ADGRB1: variants seen among roughly 807,000 people sequenced by gnomAD.
ADGRB1 encodes adhesion G protein-coupled receptor B1.
Under a neutral mutation model 175.7 loss-of-function variants are expected in ADGRB1, and 36 were observed. That is an observed-to-expected ratio of 0.20 (90% CI 0.16 to 0.27). The LOEUF is 0.27. Among genes scored for constraint, ADGRB1 ranks in the 10% least tolerant of loss-of-function variants. ADGRB1 has a pLI of 1.00. For synonymous variants in ADGRB1, 1,054 were observed against 979.4 expected (o/e 1.08, Z -1.42); for missense variants, 1,731 against 2,255.3 (o/e 0.77, Z 4.71).
intron 1 of ADGRB1, among the ~76,000 whole-genome samples, chr8:142,460,333 C>G (rs1470901299): frequency 1.3e-5 from 2 of 152,234 alleles, no homozygotes; most frequent in Non-Finnish European, 2.9e-5. Context: ...AGACAACGGC[C>G]TGGGCTCCTG....
intron 13 of ADGRB1, among the ~76,000 whole-genome samples, chr8:142,485,082 C>T (rs1329451599): frequency 6.6e-6 from 1 of 152,218 alleles, no homozygotes; most frequent in Non-Finnish European, 1.5e-5. Flanking sequence ...GCTTTAGAGG[C>T]AGGGGCTGTG....
intron 1 of ADGRB1, among the ~76,000 whole-genome samples, chr8:142,460,730 C>T (rs769131500): frequency 2.6e-5 from 4 of 152,144 alleles, no homozygotes; most frequent in Non-Finnish European, 5.9e-5. Flanking sequence ...GAAGGTACCT[C>T]CTCCCTCCTC....
At chr8:142,469,481 GTGTGTATGCACGTGCATGTGTGAA>G (rs1840497229) in intron 2 of ADGRB1, among the ~76,000 whole-genome samples, 1 of 148,164 alleles carries the variant, frequency 6.7e-6, no homozygotes, top group African/African-American at 2.5e-5. Flanking sequence ...GCATGTGTGA[GTGTGTATGCACGTGCATGTGTGAA>G]TGTGTGTGTA....
rs1409399981 is a variant in ADGRB1, at chr8:142,510,918, C to G, written c.2676-14C>G. The G allele has an allele frequency of 3.2e-6, 3 of 933,472 alleles. No homozygotes were observed. Among genetic ancestry groups the G allele is most frequent in the Non-Finnish European group, 2.6e-6 (2 of 755,902 alleles). The allele number at this position is 933,472 out of a possible 1,614,324, so 57.8% of individuals were successfully genotyped here. On this transcript the variant is annotated splice_polypyrimidine_tract_variant and intron_variant, in intron 17 of 30. Coordinates refer to ENST00000517894, the MANE Select transcript of ADGRB1 (RefSeq NM_001702.3). The surrounding 1 kb of genome is among the most constrained non-coding windows in gnomAD (Gnocchi z 6.3). ...GCTCCGCCTGTCTCCCTCCCGTGTC[C>G]CGCCCGCCCCCAGACCCTCCTCCTC...
chr8:142,544,087 C>G, intron 30 of ADGRB1, 133 bp from the exon 31 acceptor site: 1 of 927,772 alleles, frequency 1.1e-6, no homozygotes, highest in Non-Finnish European at 1.6e-6. Context: ...AAGCCTCATC[C>G]TGTCCCCTGT....
Position 142,541,923 on chromosome 8 carries a change from C to T in ADGRB1, c.3707-18C>T. ...ACCCCCACACCTGTCCCCGCTGTCT[C>T]CCCCGCGGCCCCTGCAGTGCTGAAC... On this transcript the variant is annotated intron_variant, in intron 27 of 30. Transcript: ENST00000517894. 5 of 1,530,220 alleles carry T rather than the reference C, an allele frequency of 3.3e-6. No individual in the cohort carries two copies. Among genetic ancestry groups the T allele is most frequent in the Non-Finnish European group, 4.4e-6 (5 of 1,140,652 alleles). The allele number at this position is 1,530,220 out of a possible 1,614,324, so 94.8% of individuals were successfully genotyped here.
At chr8:142,534,973 G>A (rs542422756) in intron 25 of ADGRB1, among the ~76,000 whole-genome samples, 13 of 152,298 alleles carry the variant, frequency 8.5e-5, no homozygotes, top group Admixed American at 2.6e-4. Flanking sequence ...GAGGCCAGGC[G>A]GTTCTTCTTT....
rs1394022512 is a variant in ADGRB1, at chr8:142,504,856, C to T, written c.2676-6076C>T. 8.5e-5 allele frequency among the ~76,000 whole-genome samples: 13 copies of T among 152,062 alleles called. No individual in the cohort carries two copies. Among genetic ancestry groups the T allele is most frequent in the African/African-American group, 2.4e-4 (10 of 41,406 alleles). ...GACACCATTTCCACTCCCTGCCTAG[C>T]GCCTGAACTCCCCCACTGCGGTGTG... On this transcript the variant is annotated intron_variant, in intron 17 of 30. Coordinates refer to ENST00000517894, the MANE Select transcript of ADGRB1 (RefSeq NM_001702.3). The surrounding 1 kb of genome is among the most constrained non-coding windows in gnomAD (Gnocchi z 5.6).
chr8:142,456,990 G>A (rs556210680), intron 1 of ADGRB1, among the ~76,000 whole-genome samples: 1 of 152,320 alleles, frequency 6.6e-6, no homozygotes, highest in African/African-American at 2.4e-5. Context: ...CCGGCCCCGG[G>A]GTGTGCCTGG....
Position 142,510,916 on chromosome 8 carries a change from T to G in ADGRB1, c.2676-16T>G. On this transcript the variant is annotated splice_polypyrimidine_tract_variant and intron_variant, in intron 17 of 30. Transcript: ENST00000517894. This position sits in a 1 kb window ranked among gnomAD's most constrained non-coding sequence, Gnocchi z 6.3. ...ACGCTCCGCCTGTCTCCCTCCCGTG[T>G]CCCGCCCGCCCCCAGACCCTCCTCC... 3.8e-5 allele frequency: 37 copies of G among 969,254 alleles called. No individual in the cohort carries two copies. Among genetic ancestry groups the G allele is most frequent in the Non-Finnish European group, 4.6e-5 (36 of 788,870 alleles). The allele number at this position is 969,254 out of a possible 1,614,324, so 60.0% of individuals were successfully genotyped here.
Position 142,542,068 on chromosome 8 carries a change from C to T in ADGRB1, c.3834C>T (p.Ser1278=). The change falls in exon 28 of 31, where the codon AGC becomes AGT. Residue 1278 remains serine (S), a synonymous_variant. Transcript: ENST00000517894. The surrounding 1 kb of genome is among the most constrained non-coding windows in gnomAD (Gnocchi z 6.3). ...HAKGPPTNFN[S]LPANVSKLHL... ...AGGGGCCGCCCACCAATTTCAACAG[C>T]CTGCCGGCCAACGTGTCCAAGCTGC... The T allele has an allele frequency of 1.2e-6, 2 of 1,613,044 alleles. No individual in the cohort carries two copies. Among genetic ancestry groups the T allele is most frequent in the South Asian group, 1.1e-5 (1 of 91,086 alleles).
At position 142,543,592 on chromosome 8, in the gene ADGRB1, C is replaced by G. The variant is rs775628396; in HGVS notation, c.4450-9C>G. On this transcript the variant is annotated splice_polypyrimidine_tract_variant and intron_variant, in intron 29 of 30. Coordinates refer to ENST00000517894, the MANE Select transcript of ADGRB1 (RefSeq NM_001702.3). The surrounding 1 kb of genome is among the most constrained non-coding windows in gnomAD (Gnocchi z 4.4). Reference sequence around the variant, plus strand: ...GGCCCAGGACTCACTGCCCAGACCCCGCCTGCAGAAGATCATGCACACCCG... The same window carrying G: ...GGCCCAGGACTCACTGCCCAGACCCGGCCTGCAGAAGATCATGCACACCCG... 1 of 1,569,660 alleles carries G rather than the reference C, an allele frequency of 6.4e-7. No individual in the cohort carries two copies. The highest frequency in any genetic ancestry group is 8.6e-7 in the Non-Finnish European group (1 of 1,157,370).
At chr8:142,484,329 C>T (rs1841546057) in intron 12 of ADGRB1, among the ~76,000 whole-genome samples, 1 of 152,244 alleles carries the variant, frequency 6.6e-6, no homozygotes, top group South Asian at 2.1e-4. Context: ...ATAGAGCCCT[C>T]CTCATGTTGG....
intron 1 of ADGRB1, among the ~76,000 whole-genome samples, chr8:142,456,333 ACACCTGCACACACG>A: frequency 6.6e-6 from 1 of 152,222 alleles, no homozygotes; most frequent in African/African-American, 2.4e-5. Flanking sequence ...TTGCTCACAT[ACACCTGCACACACG>A]CATGTGCACA....
intron 18 of ADGRB1, among the ~76,000 whole-genome samples, chr8:142,512,553 CA>C (rs1385227831): frequency 2.0e-5 from 3 of 152,186 alleles, no homozygotes; most frequent in African/African-American, 7.2e-5. Context: ...AGCCCGGTGT[CA>C]GGCCTGCAGC....
chr8:142,494,812 A>G (rs1016047967), intron 17 of ADGRB1, among the ~76,000 whole-genome samples: 1 of 151,760 alleles, frequency 6.6e-6, no homozygotes, highest in Non-Finnish European at 1.5e-5. Context: ...ACACCCCTGC[A>G]CCAGCCTGGC....
intron 13 of ADGRB1, among the ~76,000 whole-genome samples, chr8:142,487,365 C>T (rs897846040): frequency 2.0e-5 from 3 of 152,190 alleles, no homozygotes; most frequent in South Asian, 2.1e-4. Context: ...TCCTCACCCC[C>T]GGTTCTCTGA....
intron 23 of ADGRB1, among the ~76,000 whole-genome samples, chr8:142,524,840 G>A (rs919824136): frequency 1.2e-4 from 18 of 152,072 alleles, no homozygotes; most frequent in Non-Finnish European, 2.4e-4. Context: ...TGGCACGCAG[G>A]GTCACCGTCC....
intron 2 of ADGRB1, among the ~76,000 whole-genome samples, chr8:142,467,742 T>C (rs1396015975): frequency 1.3e-5 from 2 of 152,234 alleles, no homozygotes; most frequent in African/African-American, 2.4e-5. Flanking sequence ...GCTTGCCGTA[T>C]GTCCCTGGGC....
Sources: gnomAD v4.1 joint callset for allele counts (sites outside exome capture counted in the v4.1 genomes callset) on GRCh38, gnomAD v4.1.1 for gene constraint, Gnocchi (gnomAD v3.1) non-coding constraint, MANE v1.5 for transcripts, NCBI Gene and HGNC (gene_info 2026-07-23, HGNC 2026-07-21) for gene names.